The following TEX11 variants were observed in gnomAD, a reference collection of about 807,000 sequenced individuals.
TEX11 encodes testis expressed 11.
TEX11 carries 7 observed loss-of-function variants against 84.4 expected under a neutral mutation model. The observed-to-expected ratio is 0.08, with a 90% confidence interval of 0.05 to 0.16. The LOEUF (loss-of-function observed/expected upper bound fraction) is 0.16. Ranked by LOEUF, TEX11 falls within the 10% of genes least tolerant of loss-of-function variation. TEX11 has a pLI of 1.00. For missense variants in TEX11, 551 were observed against 660.5 expected, an observed-to-expected ratio of 0.83 and a Z score of 1.82; for synonymous variants, 264 against 222.8, an observed-to-expected ratio of 1.18 and a Z score of -1.64.
chrX:70,855,557 C>T (rs1479364946), intron 5 of TEX11, among the ~76,000 whole-genome samples: 1 of 105,233 alleles, frequency 9.5e-6, no homozygotes, highest in Non-Finnish European at 1.9e-5. Context: ...TAGAGTGAGA[C>T]TCTGTCTCAA....
intron 11 of TEX11, among the ~76,000 whole-genome samples, chrX:70,734,376 G>C (rs1268249974): frequency 3.6e-5 from 4 of 111,165 alleles, no homozygotes; most frequent in Non-Finnish European, 7.5e-5. Context: ...TGGGAGTATT[G>C]CCTAGCAAAT....
chrX:70,892,587 G>A (rs2091744169), intron 2 of TEX11, among the ~76,000 whole-genome samples: 1 of 110,438 alleles, frequency 9.1e-6, no homozygotes, highest in African/African-American at 3.3e-5. Flanking sequence ...ACAAAAAATT[G>A]CTGGGCGTGG....
intron 25 of TEX11, among the ~76,000 whole-genome samples, chrX:70,584,239 C>T (rs775117186): frequency 1.4e-4 from 15 of 106,184 alleles, no homozygotes; most frequent in East Asian, 3.0e-4. Flanking sequence ...GCCGAGATTA[C>T]GCCACTGCAG....
At position 70,856,263 on chromosome X, in the gene TEX11, G is replaced by A. The variant is rs1221663503; in HGVS notation, c.325-2935C>T. ...ATGTTAAACGAGGGGGAAAAAATCAGGTGAAGAAGAGTATATATGGACTGT... is the reference window on the plus strand; with the variant it reads ...ATGTTAAACGAGGGGGAAAAAATCAAGTGAAGAAGAGTATATATGGACTGT... On this transcript the variant is annotated intron_variant, in intron 5 of 29. Coordinates refer to ENST00000374333, the MANE Select transcript of TEX11 (RefSeq NM_031276.3). 2.7e-5 allele frequency among the ~76,000 whole-genome samples: 3 copies of A among 111,162 alleles called. No individual in the cohort carries two copies. In the East Asian group the frequency reaches 8.4e-4, roughly 31 times the overall value.
At chrX:70,836,446 A>G (rs901435441) in intron 7 of TEX11, among the ~76,000 whole-genome samples, 5 of 112,164 alleles carry the variant, frequency 4.5e-5, no homozygotes, top group Non-Finnish European at 7.5e-5. Context: ...TCTAGAATAT[A>G]TAAATAATCC....
intron 11 of TEX11, among the ~76,000 whole-genome samples, chrX:70,732,465 A>C (rs933864063): frequency 5.4e-5 from 6 of 111,979 alleles, no homozygotes; most frequent in African/African-American, 1.6e-4. Context: ...TCAGGACACA[A>C]AGTCAATGAG....
chrX:70,904,870 T>A (rs1343681256), intron 2 of TEX11, among the ~76,000 whole-genome samples: 1 of 112,769 alleles, frequency 8.9e-6, no homozygotes, highest in Non-Finnish European at 1.9e-5. Flanking sequence ...TACACTGAGT[T>A]AAAAAAATTA....
intron 17 of TEX11, among the ~76,000 whole-genome samples, chrX:70,642,323 C>T (rs1235974090): frequency 8.1e-5 from 9 of 111,414 alleles, no homozygotes; most frequent in Non-Finnish European, 3.8e-5. Context: ...GATTCACAGC[C>T]GAATTCTACC....
Position 70,651,488 on chromosome X carries a change from A to G in TEX11, c.1445T>C (p.Ile482Thr). Residue 482 changes from isoleucine (I) to threonine (T), a missense_variant, in exon 17 of 30, where the codon ATA (isoleucine) becomes ACA (threonine). Physicochemically the swap from Ile to Thr is moderately conservative, Grantham distance 89. Coordinates refer to ENST00000374333, the MANE Select transcript of TEX11 (RefSeq NM_031276.3). ...DPRNVFTQFY[I>T]FKIAVIEGNS... ...GCCCTCTATGACTGCAATCTTGAAT[A>G]TATAAAATTGAGTGAAAACGTTCCT... The G allele has an allele frequency of 8.3e-7, 1 of 1,207,748 alleles. No homozygotes were observed. Among genetic ancestry groups the G allele is most frequent in the South Asian group, 1.8e-5 (1 of 56,611 alleles).
chrX:70,513,458 T>TG, the TEX11 span, among the ~76,000 whole-genome samples: 3 of 105,623 alleles, frequency 2.8e-5, no homozygotes, highest in Non-Finnish European at 5.8e-5. Context: ...TATAATGAAA[T>TG]GGCTGCCTTT....
intron 25 of TEX11, among the ~76,000 whole-genome samples, chrX:70,589,967 CA>C (rs1316473936): frequency 8.9e-6 from 1 of 111,924 alleles, no homozygotes; most frequent in Non-Finnish European, 1.9e-5. Flanking sequence ...TAGGGTATTT[CA>C]AAAGAATGAT....
At chrX:70,627,284 T>C (rs2089460578) in intron 18 of TEX11, among the ~76,000 whole-genome samples, 1 of 112,216 alleles carries the variant, frequency 8.9e-6, no homozygotes, top group African/African-American at 3.2e-5. Flanking sequence ...CAAGAGGTTT[T>C]CTTACTTTTT....
At chrX:70,523,787 GGAA>G in the TEX11 span, among the ~76,000 whole-genome samples, 1 of 76,691 alleles carries the variant, frequency 1.3e-5, no homozygotes. Flanking sequence ...TTTTTTTTTT[GGAA>G]GAAGATAGAT....
rs192597371 is a variant in TEX11 at position 70,711,223 on chromosome X, A to G, written c.1004+11395T>C. Among the ~76,000 whole-genome samples the G allele has an allele frequency of 1.8e-4, 20 of 111,436 alleles. No individual in the cohort carries two copies. The East Asian group carries it at 4.8e-3, about 27-fold the overall frequency. On this transcript the variant is annotated intron_variant, in intron 13 of 29. Transcript: ENST00000374333. ...TTTGGGTTGGTTCCAAGTCTTTGCT[A>G]TTGTGAATAGTGCCGCAATAAACAT...
the TEX11 span, among the ~76,000 whole-genome samples, chrX:70,522,257 T>G: frequency 1.8e-5 from 2 of 111,644 alleles, no homozygotes; most frequent in African/African-American, 6.5e-5. Context: ...CAGGAATCAC[T>G]AAGGAGAAAG....
intron 28 of TEX11, among the ~76,000 whole-genome samples, chrX:70,545,437 T>A (rs943618894): frequency 9.0e-6 from 1 of 111,538 alleles, no homozygotes; most frequent in African/African-American, 3.3e-5. Context: ...ATCATCAATA[T>A]CACTGTCTCC....
rs141817373 is a variant in TEX11 at position 70,700,196 on chromosome X, G to A, written c.1005-17371C>T. On this transcript the variant is annotated intron_variant, in intron 13 of 29. Transcript: ENST00000374333. ...AGTGCTGTGATCATAGCTCACTGCC[G>A]TCTTGATCTCCTGGCTCAAGCCTCC... Among the ~76,000 whole-genome samples the A allele has an allele frequency of 3.1e-3, 349 of 111,200 alleles. 1 individual carries two copies. Among genetic ancestry groups the A allele is most frequent in the African/African-American group, 0.01 (312 of 30,563 alleles).
intron 5 of TEX11, among the ~76,000 whole-genome samples, chrX:70,853,688 C>A (rs2091520870): frequency 8.9e-6 from 1 of 112,326 alleles, no homozygotes; most frequent in Non-Finnish European, 1.9e-5. Context: ...TACTGGGGTT[C>A]TAGTTTTTAA....
chrX:70,833,687 T>C (rs1168508090), intron 7 of TEX11, 94 bp from the exon 8 acceptor site: 1 of 681,140 alleles, frequency 1.5e-6, no homozygotes. Flanking sequence ...TGTTTAAAAG[T>C]CTTATTTTGT....
Sources: gnomAD v4.1 joint callset for allele counts (sites outside exome capture counted in the v4.1 genomes callset) on GRCh38, gnomAD v4.1.1 for gene constraint, MANE v1.5 for transcripts, NCBI Gene and HGNC (gene_info 2026-07-23, HGNC 2026-07-21) for gene names.